The following TNXB variants were observed in gnomAD, a reference collection of about 807,000 sequenced individuals.
TNXB encodes tenascin-X.
Under a neutral mutation model 340.5 loss-of-function variants are expected in TNXB, and 183 were observed. The ratio of observed to expected loss-of-function variants is 0.54; its 90% CI spans 0.48 to 0.61. TNXB has a LOEUF of 0.61. TNXB is among the 20% of genes least tolerant of loss of function. TNXB has a pLI of 0.00. For missense variants in TNXB, 4,613 were observed against 5,446.4 expected (o/e 0.85, Z 4.82); for synonymous variants, 2,121 against 2,314.5 (o/e 0.92, Z 2.40).
Position 32,068,845 on chromosome 6 carries a change from G to A in TNXB, c.5879C>T (p.Pro1960Leu). The change falls in exon 16 of 44, where the codon CCT becomes CTT. Residue 1960 changes from proline to leucine, a missense_variant. By Grantham distance (98) the Pro-to-Leu change is moderately conservative. This residue lies in a region of TNXB where 4,327 missense variants were observed against 4,859.4 expected (regional missense o/e 0.89). Coordinates refer to ENST00000644971, the MANE Select transcript of TNXB (RefSeq NM_001365276.2). The surrounding 1 kb of genome is among the most constrained non-coding windows in gnomAD (Gnocchi z 5.3). ...ACCTGTCAGGGCCTCGACATGGACAGGACCTACATGCTTCCCATCACTGAA... is the reference window on the plus strand; with the variant it reads ...ACCTGTCAGGGCCTCGACATGGACAAGACCTACATGCTTCCCATCACTGAA... ...YGFSDGKHVGPVHVEALTVPE... is the reference protein window; with the variant it reads ...YGFSDGKHVGLVHVEALTVPE... The A allele has an allele frequency of 6.2e-7, 1 of 1,610,348 alleles. No individual in the cohort carries two copies. The highest frequency in any genetic ancestry group is 1.1e-5 in the South Asian group (1 of 90,944).
rs370343765 is a variant in TNXB, at chr6:32,042,402, G to A, written c.12211-40C>T. 1.9e-4 allele frequency: 302 copies of A among 1,595,714 alleles called. 38 individuals carry two copies. The African/African-American group carries it at 3.1e-3, about 16-fold the overall frequency. Reference sequence around the variant, plus strand: ...GGGGCACCATCAGCCTCTGGCTCCCGGGGCAACAGACCCTGCCCTGCACAG... The same window carrying A: ...GGGGCACCATCAGCCTCTGGCTCCCAGGGCAACAGACCCTGCCCTGCACAG... On this transcript the variant is annotated intron_variant, in intron 40 of 43. Coordinates refer to ENST00000644971, the MANE Select transcript of TNXB (RefSeq NM_001365276.2).
rs1047924934 is a variant in TNXB at position 32,070,438 on chromosome 6, T to G, written c.4991-24A>C. On this transcript the variant is annotated intron_variant, in intron 13 of 43. Coordinates refer to ENST00000644971, the MANE Select transcript of TNXB (RefSeq NM_001365276.2). The surrounding 1 kb of genome is among the most constrained non-coding windows in gnomAD (Gnocchi z 6.0). ...AACTGGAGAGGAAAGGTTCTTGTGT[T>G]TATTTTTTCCAAAACGACTCCTTGA... 2 of 1,549,264 alleles carry G rather than the reference T, an allele frequency of 1.3e-6. No individual in the cohort carries two copies. Among genetic ancestry groups the G allele is most frequent in the Non-Finnish European group, 1.7e-6 (2 of 1,145,472 alleles).
Position 32,046,046 on chromosome 6 carries a change from C to T in TNXB, c.10606+129G>A. ...GCCCACAGGGCTGCAGACTCCTCCT[C>T]CTTCCTGGGGACAGGCCAGGGCGCC... On this transcript the variant is annotated intron_variant, in intron 31 of 43. Coordinates refer to ENST00000644971, the MANE Select transcript of TNXB (RefSeq NM_001365276.2). This position sits in a 1 kb window ranked among gnomAD's most constrained non-coding sequence, Gnocchi z 6.9. 7.0e-7 allele frequency: 1 copy of T among 1,436,482 alleles called. No individual in the cohort carries two copies. Among genetic ancestry groups the T allele is most frequent in the Non-Finnish European group, 9.1e-7 (1 of 1,099,532 alleles). 89.0% of individuals were successfully genotyped at this position (1,436,482 alleles called of 1,614,324 possible).
intron 25 of TNXB, 40 bp from the exon 26 acceptor site, chr6:32,053,033 G>A (rs1335568501): frequency 1.9e-6 from 3 of 1,586,072 alleles, no homozygotes; most frequent in Non-Finnish European, 2.6e-6. Context: ...AGCTTCCCTG[G>A]GGGATGTCCT....
At position 32,075,189 on chromosome 6, in the gene TNXB, C is replaced by G. The variant is rs189030721; in HGVS notation, c.4376-1237G>C. 2.6e-4 allele frequency among the ~76,000 whole-genome samples: 39 copies of G among 152,354 alleles called. 2 individuals carry two copies. The East Asian group carries it at 6.0e-3, about 23-fold the overall frequency. On this transcript the variant is annotated intron_variant, in intron 11 of 43. Transcript: ENST00000644971. The surrounding 1 kb of genome is among the most constrained non-coding windows in gnomAD (Gnocchi z 4.6). ...GGTCATCGCCTTCTGCCCTCACCCCCCTTTAGTCTGTTGGGTCTGCAGCCA... is the reference window on the plus strand; with the variant it reads ...GGTCATCGCCTTCTGCCCTCACCCCGCTTTAGTCTGTTGGGTCTGCAGCCA...
chr6:32,070,087 G>T lies in TNXB; in HGVS notation c.5278+40C>A. 6.6e-7 allele frequency: 1 copy of T among 1,505,762 alleles called. No homozygotes were observed. The highest frequency in any genetic ancestry group is 2.2e-4 in the Middle Eastern group (1 of 4,468). The allele number at this position is 1,505,762 out of a possible 1,614,324, so 93.3% of individuals were successfully genotyped here. ...CAAGTGACCGTCTGCTGCTTGGCCT[G>T]AGGGGAGCAGAGCAGGGACCTGCAG... On this transcript the variant is annotated intron_variant, in intron 14 of 43. Coordinates refer to ENST00000644971, the MANE Select transcript of TNXB (RefSeq NM_001365276.2). This position sits in a 1 kb window ranked among gnomAD's most constrained non-coding sequence, Gnocchi z 6.0.
At chr6:32,063,028 C>T (rs1345402649) in intron 19 of TNXB, among the ~76,000 whole-genome samples, 1 of 151,874 alleles carries the variant, frequency 6.6e-6, no homozygotes, top group Non-Finnish European at 1.5e-5. Context: ...GCACTCCATC[C>T]TGGGAGACAG....
rs1443231784 is a variant in TNXB, at chr6:32,083,889, T to C, written c.3445+524A>G. The stretch of plus-strand genomic sequence containing the variant: ...TGTTGCCAGGTTGGTCTCAAACTCC[T>C]AGCCTCAAGCGATCCTCCTGCCTTG... On this transcript the variant is annotated intron_variant, in intron 8 of 43. Coordinates refer to ENST00000644971, the MANE Select transcript of TNXB (RefSeq NM_001365276.2). This position sits in a 1 kb window ranked among gnomAD's most constrained non-coding sequence, Gnocchi z 4.6. Among the ~76,000 whole-genome samples, 1 of 152,168 alleles carries C rather than the reference T, an allele frequency of 6.6e-6. No individual in the cohort carries two copies. Among genetic ancestry groups the C allele is most frequent in the East Asian group, 1.9e-4 (1 of 5,198 alleles).
Position 32,044,031 on chromosome 6 carries a change from C to A in TNXB, c.11362G>T (p.Val3788Phe). The change falls in exon 34 of 44, where the codon GTC becomes TTC. Residue 3788 changes from valine (V) to phenylalanine (F), a missense_variant. This residue lies in a region of TNXB where 14 missense variants were observed against 33.4 expected (regional missense o/e 0.42). Transcript: ENST00000644971. Reference sequence around the variant, plus strand: ...CCTCCGTCCGCCAGCTGGTAGGAGACTTTGAAGCTGTCCGCCCGGGATGGT... The same window carrying A: ...CCTCCGTCCGCCAGCTGGTAGGAGAATTTGAAGCTGTCCGCCCGGGATGGT... ...PPPSRADSFK[V>F]SYQLADGGEP... 1 of 1,579,858 alleles carries A rather than the reference C, an allele frequency of 6.3e-7. No individual in the cohort carries two copies. The highest frequency in any genetic ancestry group is 8.6e-7 in the Non-Finnish European group (1 of 1,162,908).
chr6:32,092,350 T>C (rs1022314232), intron 4 of TNXB, among the ~76,000 whole-genome samples: 1 of 152,230 alleles, frequency 6.6e-6, no homozygotes, highest in African/African-American at 2.4e-5. Flanking sequence ...TTTCTTCTTC[T>C]GCATTCTGAA....
Position 32,049,322 on chromosome 6 carries a change from G to A in TNXB, c.9705C>T (p.Tyr3235=), listed in dbSNP as rs1250243557. The change falls in exon 28 of 44, where the codon TAC becomes TAT. Residue 3235 remains tyrosine (Y), a synonymous_variant. Transcript: ENST00000644971. The surrounding 1 kb of genome is among the most constrained non-coding windows in gnomAD (Gnocchi z 4.5). ...EPGRKYKMHL[Y]GLHEGQRVGP... is the part of the protein sequence containing the mutation. ...CCACGCGCTGCCCCTCGTGGAGGCC[G>A]TACAGATGCATCTTGTATTTGCGCC... 8.7e-6 allele frequency: 14 copies of A among 1,612,376 alleles called. No homozygotes were observed. Among genetic ancestry groups the A allele is most frequent in the African/African-American group, 2.7e-5 (2 of 74,896 alleles).
At position 32,078,119 on chromosome 6, in the gene TNXB, G is replaced by GAA. The variant is rs576388526; in HGVS notation, c.4375+912_4375+913dup. 7.8e-5 allele frequency among the ~76,000 whole-genome samples: 11 copies of GAA among 141,854 alleles called. No homozygotes were observed. In the South Asian group the frequency reaches 1.2e-3, roughly 15 times the overall value. The allele number at this position is 141,854 out of a possible 152,430, so 93.1% of individuals were successfully genotyped here. A position where few individuals can be genotyped will look rare whatever the true frequency, so the allele number is the denominator to read the frequency against. On this transcript the variant is annotated intron_variant, in intron 11 of 43. Coordinates refer to ENST00000644971, the MANE Select transcript of TNXB (RefSeq NM_001365276.2). ...AGAAAGAAAGAAAGAAAGAAAGAAA[G>GAA]AAAGAAAGAAAGAAAAAGAGAGAAA...
rs750231784 is a variant in TNXB, at chr6:32,046,199, G to A, written c.10582C>T (p.Pro3528Ser). ...YGLLGGKRLG[P>S]VSALGMTAPE... ...CCTGTCATTCCCAGGGCAGAGACCGGGCCCAGGCGCTTTCCCCCAAGGAGC... is the reference window on the plus strand; with the variant it reads ...CCTGTCATTCCCAGGGCAGAGACCGAGCCCAGGCGCTTTCCCCCAAGGAGC... Residue 3528 changes from proline (P) to serine (S), a missense_variant, in exon 31 of 44, where the codon CCG (proline) becomes TCG (serine). Physicochemically the swap from Pro to Ser is moderately conservative, Grantham distance 74. This residue lies in a region of TNXB where 4,327 missense variants were observed against 4,859.4 expected (regional missense o/e 0.89). Coordinates refer to ENST00000644971, the MANE Select transcript of TNXB (RefSeq NM_001365276.2). This position sits in a 1 kb window ranked among gnomAD's most constrained non-coding sequence, Gnocchi z 6.9. The A allele has an allele frequency of 3.1e-6, 5 of 1,589,936 alleles. No individual in the cohort carries two copies. Among genetic ancestry groups the A allele is most frequent in the Non-Finnish European group, 4.3e-6 (5 of 1,164,980 alleles).
At position 32,064,223 on chromosome 6, in the gene TNXB, G is replaced by GT. The variant is rs1778192171; in HGVS notation, c.6841+597dup. 6.6e-6 allele frequency among the ~76,000 whole-genome samples: 1 copy of GT among 151,958 alleles called. No homozygotes were observed. Among genetic ancestry groups the GT allele is most frequent in the African/African-American group, 2.4e-5 (1 of 41,360 alleles). On this transcript the variant is annotated intron_variant, in intron 19 of 43. Transcript: ENST00000644971. The surrounding 1 kb of genome is among the most constrained non-coding windows in gnomAD (Gnocchi z 5.3). ...TGTCTGTTTTTTGTTTGCTTGTTTTGTTTTTTTGAGACAGGGTCTCACTCT... is the reference window on the plus strand; with the variant it reads ...TGTCTGTTTTTTGTTTGCTTGTTTTGTTTTTTTTGAGACAGGGTCTCACTCT...
chr6:32,102,417 C>G (rs1199606425), intron 1 of TNXB, among the ~76,000 whole-genome samples: 6 of 152,078 alleles, frequency 3.9e-5, no homozygotes, highest in Admixed American at 3.9e-4. Context: ...ATAAATTGTG[C>G]CAGAGTCATA....
chr6:32,096,073 AGTCATTCG>A lies in TNXB; in HGVS notation c.1772_1779del (p.Pro591LeufsTer21). 6.2e-7 allele frequency: 1 copy of A among 1,612,422 alleles called. No individual in the cohort carries two copies. The highest frequency in any genetic ancestry group is 8.5e-7 in the Non-Finnish European group (1 of 1,179,584). ...TCCTGGCACACGCCGTGCTGGCTGC[AGTCATTCG>A]GGCACTGCCTCACACCGCAATCCTC... On this transcript the variant is annotated frameshift_variant, in exon 3 of 44. Transcript: ENST00000644971. LOFTEE classifies it high-confidence loss of function.
chr6:32,077,585 C>T (rs1434841678), intron 11 of TNXB, among the ~76,000 whole-genome samples: 3 of 152,234 alleles, frequency 2.0e-5, no homozygotes, highest in South Asian at 2.1e-4. Flanking sequence ...CACTGCTGTC[C>T]ACTCAGCCTC....
chr6:32,073,659 C>A lies in TNXB; in HGVS notation c.4669G>T (p.Val1557Phe). Residue 1557 changes from valine to phenylalanine, a missense_variant, in exon 12 of 44, where the codon GTC becomes TTC. Transcript: ENST00000644971. This position sits in a 1 kb window ranked among gnomAD's most constrained non-coding sequence, Gnocchi z 4.6. ...DGQRMGPLSVVIVTAPLPPAP... is the reference protein window; with the variant it reads ...DGQRMGPLSVFIVTAPLPPAP... ...CCCCATTACTCACCCGTCACGATGA[C>A]CACAGACAGGGGGCCCATGCGTTGC... 1 of 1,607,514 alleles carries A rather than the reference C, an allele frequency of 6.2e-7. No homozygotes were observed. Among genetic ancestry groups the A allele is most frequent in the East Asian group, 2.2e-5 (1 of 44,812 alleles).
rs528026924 is a variant in TNXB, at chr6:32,084,960, G to A, written c.3149-251C>T. ...TCTCTCTGCACACCAGGATCTTTGCGGGGGTTTCAGGTCCCCCTGGTTCTG... is the reference window on the plus strand; with the variant it reads ...TCTCTCTGCACACCAGGATCTTTGCAGGGGTTTCAGGTCCCCCTGGTTCTG... On this transcript the variant is annotated intron_variant, in intron 7 of 43. Transcript: ENST00000644971. The surrounding 1 kb of genome is among the most constrained non-coding windows in gnomAD (Gnocchi z 5.5). 1.1e-4 allele frequency among the ~76,000 whole-genome samples: 16 copies of A among 152,158 alleles called. No individual in the cohort carries two copies. The South Asian group carries it at 1.5e-3, about 14-fold the overall frequency.
Sources: gnomAD v4.1 joint callset for allele counts (sites outside exome capture counted in the v4.1 genomes callset) on GRCh38, gnomAD v4.1.1 for gene constraint, gnomAD v4.1.1 regional missense constraint, Gnocchi (gnomAD v3.1) non-coding constraint, MANE v1.5 for transcripts, NCBI Gene and HGNC (gene_info 2026-07-23, HGNC 2026-07-21) for gene names.